BCL2L14: variants seen among roughly 807,000 people sequenced by gnomAD.
BCL2L14 encodes the protein BCL2 like 14, also known as apoptosis facilitator Bcl-2-like protein 14.
Under a neutral mutation model 35.3 loss-of-function variants are expected in BCL2L14, and 27 were observed. The observed-to-expected ratio is 0.76, with a 90% CI of 0.56 to 1.05. BCL2L14 has a LOEUF of 1.05. Ranked by LOEUF, BCL2L14 falls within the 50% of genes least tolerant of loss-of-function variation. The pLI is 0.00. For missense variants in BCL2L14, 377 were observed against 382.6 expected (o/e 0.99, Z 0.12); for synonymous variants, 139 against 145.9 (o/e 0.95, Z 0.34).
In BCL2L14 at chr12:12,095,820, G is replaced by A. The variant is rs892558163; in HGVS notation, c.945+890G>A. ...TCTTGCCCAAGGGTCTGAAGTGCCC[G>A]CCATGGTCTTCAGTGGCTGCCACGG... On this transcript the variant is annotated intron_variant, in intron 5 of 5. Transcript: ENST00000308721. 15 of 985,320 alleles carry A rather than the reference G, an allele frequency of 1.5e-5. No homozygotes were observed. In the African/African-American group the frequency reaches 1.7e-4, roughly 11 times the overall value. The allele number at this position is 985,320 out of a possible 1,614,324, so 61.0% of individuals were successfully genotyped here. A position where few individuals can be genotyped will look rare whatever the true frequency, so the allele number is the denominator to read the frequency against.
Position 12,095,028 on chromosome 12 carries a change from G to A in BCL2L14, c.945+98G>A, listed in dbSNP as rs1473476228. The A allele has an allele frequency of 3.4e-6, 5 of 1,481,344 alleles. No individual in the cohort carries two copies. In the East Asian group the frequency reaches 9.6e-5, roughly 29 times the overall value. 91.8% of individuals were successfully genotyped at this position (1,481,344 alleles called of 1,614,324 possible). A position where few individuals can be genotyped will look rare whatever the true frequency, so the allele number is the denominator to read the frequency against. On this transcript the variant is annotated intron_variant, in intron 5 of 5. Transcript: ENST00000308721. ...TAAATGAAGGGAACACATCTATGAA[G>A]CAGTTCTCATGAGTTTAGGACACTT...
At chr12:12,064,006 G>A (rs1364153886) in intron 2 of BCL2L14, among the ~76,000 whole-genome samples, 2 of 152,032 alleles carry the variant, frequency 1.3e-5, no homozygotes, top group African/African-American at 4.8e-5. Flanking sequence ...CCTGCACCCA[G>A]GTGAAATAAA....
chr12:12,086,510 A>G (rs981874559), intron 2 of BCL2L14, among the ~76,000 whole-genome samples: 3 of 152,176 alleles, frequency 2.0e-5, no homozygotes, highest in African/African-American at 7.2e-5. Flanking sequence ...TCCTATCTCA[A>G]AGTGCTTTAT....
At chr12:12,088,722 G>C (rs1055998990) in intron 3 of BCL2L14, among the ~76,000 whole-genome samples, 1 of 152,070 alleles carries the variant, frequency 6.6e-6, no homozygotes, top group Non-Finnish European at 1.5e-5. Context: ...TCTTGGGTTT[G>C]CACCTCCCTA....
intron 1 of BCL2L14, among the ~76,000 whole-genome samples, chr12:12,051,271 G>A (rs11054639): frequency 0.26 from 39,069 of 152,060 alleles, 5,402 homozygotes; most frequent in Middle Eastern, 0.33. Context: ...AGGTCTACTG[G>A]GCAGTGCTAG....
chr12:12,091,683 G>A lies in BCL2L14; in HGVS notation c.678+834G>A, dbSNP rs115831263. Among the ~76,000 whole-genome samples, 641 of 152,290 alleles carry A rather than the reference G, an allele frequency of 4.2e-3. 11 individuals carry two copies. Among genetic ancestry groups the A allele is most frequent in the African/African-American group, 0.015 (615 of 41,554 alleles). ...CCCAGAGGCTGGTGACCCAGAGGGC[G>A]AAGCACCTGGGAGATGGGACAGAAT... On this transcript the variant is annotated intron_variant, in intron 4 of 5. Transcript: ENST00000308721.
intron 4 of BCL2L14, among the ~76,000 whole-genome samples, chr12:12,091,731 G>T (rs976993873): frequency 3.3e-5 from 5 of 152,182 alleles, no homozygotes; most frequent in Non-Finnish European, 7.3e-5. Flanking sequence ...GAAAACCAGG[G>T]ATATTAGGTT....
intron 1 of BCL2L14, among the ~76,000 whole-genome samples, chr12:12,073,912 C>T (rs560537571): frequency 5.9e-5 from 9 of 152,244 alleles, no homozygotes; most frequent in African/African-American, 2.2e-4. Context: ...CTGACCTCAC[C>T]CTGCTTGGTG....
At chr12:12,097,897 C>G (rs1226306316) in intron 5 of BCL2L14, among the ~76,000 whole-genome samples, 1 of 151,924 alleles carries the variant, frequency 6.6e-6, no homozygotes, top group Admixed American at 6.6e-5. Flanking sequence ...TCTTTAACAT[C>G]TGTAGTTTCA....
At chr12:12,061,806 G>A (rs1352277371) in intron 2 of BCL2L14, among the ~76,000 whole-genome samples, 4 of 152,124 alleles carry the variant, frequency 2.6e-5, no homozygotes, top group Admixed American at 2.0e-4. Context: ...TTCCTCATCT[G>A]TTACCTATCT....
intron 2 of BCL2L14, among the ~76,000 whole-genome samples, chr12:12,057,956 T>G (rs138777841): frequency 0.44 from 65,275 of 148,294 alleles, 15,705 homozygotes; most frequent in East Asian, 0.75. Context: ...TCTTTTTTTT[T>G]TTTTTTTTTT....
intron 3 of BCL2L14, among the ~76,000 whole-genome samples, chr12:12,087,952 A>G (rs938944083): frequency 6.6e-6 from 1 of 152,184 alleles, no homozygotes; most frequent in African/African-American, 2.4e-5. Context: ...GGGGAGAGTC[A>G]AGGGGAGCAA....
chr12:12,076,320 G>A (rs1192809570), intron 1 of BCL2L14, among the ~76,000 whole-genome samples: 1 of 152,112 alleles, frequency 6.6e-6, no homozygotes, highest in Non-Finnish European at 1.5e-5. Flanking sequence ...ACTCCTTACA[G>A]AGCAAACGAT....
At chr12:12,084,753 T>C (rs968616666) in intron 2 of BCL2L14, among the ~76,000 whole-genome samples, 1 of 152,134 alleles carries the variant, frequency 6.6e-6, no homozygotes, top group African/African-American at 2.4e-5. Context: ...TGTTTGCTTA[T>C]AGTTTCTCCT....
In BCL2L14 at chr12:12,082,078, G is replaced by A. The variant is rs1948940845; in HGVS notation, c.433+2340G>A. Among the ~76,000 whole-genome samples, 3 of 152,180 alleles carry A rather than the reference G, an allele frequency of 2.0e-5. No individual in the cohort carries two copies. In the South Asian group the frequency reaches 6.2e-4, roughly 31 times the overall value. On this transcript the variant is annotated intron_variant, in intron 2 of 5. Coordinates refer to ENST00000308721, the MANE Select transcript of BCL2L14 (RefSeq NM_138723.2). The stretch of plus-strand genomic sequence containing the variant: ...AGAGTTTCAGATGTTTAGAACAGTG[G>A]GAGTTATGGTCAGGATCATCTGAGG...
chr12:12,092,773 A>G (rs1391297771), intron 4 of BCL2L14, among the ~76,000 whole-genome samples: 1 of 152,196 alleles, frequency 6.6e-6, no homozygotes, highest in African/African-American at 2.4e-5. Flanking sequence ...GTCACAACCC[A>G]GACGGGGCCT....
chr12:12,073,243 C>T (rs1186521869), intron 1 of BCL2L14, among the ~76,000 whole-genome samples: 2 of 152,210 alleles, frequency 1.3e-5, no homozygotes, highest in Non-Finnish European at 2.9e-5. Flanking sequence ...TTGCTCCCTG[C>T]TCTCCAGGCT....
Position 12,074,784 on chromosome 12 carries a change from T to G in BCL2L14, c.-8+3647T>G, listed in dbSNP as rs141991799. Among the ~76,000 whole-genome samples, 580 of 152,328 alleles carry G rather than the reference T, an allele frequency of 3.8e-3. 3 individuals carry two copies. Among genetic ancestry groups the G allele is most frequent in the Non-Finnish European group, 5.0e-3 (337 of 68,028 alleles). ...GCAATGTTACCACATTTAATGAGAT[T>G]ATCTTTTTAAAAAATGTTTTAATTT... On this transcript the variant is annotated intron_variant, in intron 1 of 5. Coordinates refer to ENST00000308721, the MANE Select transcript of BCL2L14 (RefSeq NM_138723.2).
intron 2 of BCL2L14, among the ~76,000 whole-genome samples, chr12:12,057,526 G>A (rs1026915156): frequency 2.0e-5 from 3 of 152,148 alleles, no homozygotes; most frequent in Admixed American, 1.3e-4. Context: ...GGGAGGCCGA[G>A]GCGGGTGGAT....
Sources: gnomAD v4.1 joint callset for allele counts (sites outside exome capture counted in the v4.1 genomes callset) on GRCh38, gnomAD v4.1.1 for gene constraint, MANE v1.5 for transcripts, NCBI Gene and HGNC (gene_info 2026-07-23, HGNC 2026-07-21) for gene names.